The following TEX11 variants were observed in gnomAD, a reference collection of about 807,000 sequenced individuals.
TEX11 encodes the protein testis expressed 11.
TEX11 carries 7 observed loss-of-function variants against 84.4 expected under a neutral mutation model. The observed-to-expected ratio is 0.08, with a 90% CI of 0.05 to 0.16. The LOEUF (loss-of-function observed/expected upper bound fraction) is 0.16, where lower values mean the gene tolerates loss of function less well. Among genes scored for constraint, TEX11 ranks in the 10% least tolerant of loss-of-function variants. TEX11 has a pLI of 1.00. For synonymous variants in TEX11, 264 were observed against 222.8 expected (o/e 1.18, Z -1.64); for missense variants, 551 against 660.5 (o/e 0.83, Z 1.82).
intron 24 of TEX11, among the ~76,000 whole-genome samples, chrX:70,602,424 C>T (rs1488798302): frequency 3.8e-5 from 4 of 103,997 alleles, no homozygotes; most frequent in Non-Finnish European, 7.9e-5. Context: ...TGTAATCCAG[C>T]ATATAAACAG....
At chrX:70,537,071 G>A (rs190493513) in intron 28 of TEX11, among the ~76,000 whole-genome samples, 29 of 111,465 alleles carry the variant, frequency 2.6e-4, no homozygotes, top group South Asian at 3.8e-4. Flanking sequence ...GCAAGGTTGA[G>A]AAAATTTCTT....
At chrX:70,903,546 C>A (rs2091814278) in intron 2 of TEX11, among the ~76,000 whole-genome samples, 1 of 110,434 alleles carries the variant, frequency 9.1e-6, no homozygotes, top group Non-Finnish European at 1.9e-5. Context: ...TTATGCTGAT[C>A]ATATCAAACA....
chrX:70,843,619 A>G (rs1251777179), intron 7 of TEX11, among the ~76,000 whole-genome samples: 1 of 111,819 alleles, frequency 8.9e-6, no homozygotes, highest in African/African-American at 3.3e-5. Flanking sequence ...GGATCCAATT[A>G]AACTAAAGAG....
chrX:70,719,936 T>A (rs1448542637), intron 13 of TEX11, among the ~76,000 whole-genome samples: 1 of 111,440 alleles, frequency 9.0e-6, no homozygotes, highest in African/African-American at 3.3e-5. Context: ...TGTAAACTAG[T>A]TCAACCATTG....
chrX:70,741,027 T>TTTAATATAATTATG (rs1414685538), intron 10 of TEX11, among the ~76,000 whole-genome samples: 7 of 111,426 alleles, frequency 6.3e-5, no homozygotes, highest in Non-Finnish European at 1.1e-4. Context: ...CTTATTTACA[T>TTTAATATAATTATG]TTAATATAAT....
chrX:70,671,019 T>C (rs191811378), intron 15 of TEX11, among the ~76,000 whole-genome samples: 8 of 112,027 alleles, frequency 7.1e-5, no homozygotes, highest in Non-Finnish European at 1.1e-4. Flanking sequence ...CTATGTAGTC[T>C]TCACAGTAAT....
At chrX:70,525,814 A>T (rs1169511486), downstream of TEX11, among the ~76,000 whole-genome samples, 2 of 112,393 alleles carry the variant, frequency 1.8e-5, no homozygotes, top group Non-Finnish European at 3.8e-5. Context: ...TTTCCAGGGA[A>T]CTGACACATG....
At chrX:70,677,350 T>C (rs2090081227) in intron 15 of TEX11, among the ~76,000 whole-genome samples, 1 of 111,440 alleles carries the variant, frequency 9.0e-6, no homozygotes, top group Non-Finnish European at 1.9e-5. Flanking sequence ...AATTAGAGGT[T>C]TTCCAGACTG....
intron 10 of TEX11, among the ~76,000 whole-genome samples, chrX:70,742,440 A>T (rs1419353776): frequency 1.8e-5 from 2 of 109,777 alleles, no homozygotes; most frequent in Non-Finnish European, 3.8e-5. Flanking sequence ...CTTTTTTTAA[A>T]ATCTTAGGCC....
At chrX:70,685,351 GT>G (rs1373237237) in intron 13 of TEX11, among the ~76,000 whole-genome samples, 1 of 111,844 alleles carries the variant, frequency 8.9e-6, no homozygotes, top group African/African-American at 3.2e-5. Context: ...GGGTGTTGGA[GT>G]GAGACTCTGT....
intron 8 of TEX11, among the ~76,000 whole-genome samples, chrX:70,812,396 A>C (rs2091261607): frequency 9.1e-6 from 1 of 110,246 alleles, no homozygotes; most frequent in Non-Finnish European, 1.9e-5. Flanking sequence ...TTCAGTAGAC[A>C]CGGGGTTTCA....
At chrX:70,784,273 C>G (rs1315516992) in intron 9 of TEX11, among the ~76,000 whole-genome samples, 2 of 111,508 alleles carry the variant, frequency 1.8e-5, no homozygotes, top group African/African-American at 6.5e-5. Flanking sequence ...CAACAAAATT[C>G]AACAGCTCTT....
chrX:70,890,652 A>AG (rs897867163), intron 2 of TEX11, among the ~76,000 whole-genome samples: 2 of 112,130 alleles, frequency 1.8e-5, no homozygotes, highest in Admixed American at 9.4e-5. Flanking sequence ...TAGCAGGGGG[A>AG]GGGGGGTCTG....
In TEX11 at chrX:70,577,759, C is replaced by CTTTTTTTTTTTTG. The variant is rs1213364344; in HGVS notation, c.2140+13991_2140+13992insCAAAAAAAAAAAA. On this transcript the variant is annotated intron_variant, in intron 25 of 29. Transcript: ENST00000374333. ...TCTTTTTTTTTTTTTGAGACAGTCTCACTCTGTCACCAGGTTGGAGTGCAG... is the reference window on the plus strand; with the variant it reads ...TCTTTTTTTTTTTTTGAGACAGTCTCTTTTTTTTTTTTGACTCTGTCACCAGGTTGGAGTGCAG... Among the ~76,000 whole-genome samples, 4 of 96,633 alleles carry CTTTTTTTTTTTTG rather than the reference C, an allele frequency of 4.1e-5. 1 individual carries two copies. The highest frequency in any genetic ancestry group is 6.6e-5 in the Non-Finnish European group (3 of 45,171). The allele number at this position is 96,633 out of a possible 115,157, so 83.9% of individuals were successfully genotyped here.
At chrX:70,550,624 T>C (rs1483248049) in intron 28 of TEX11, among the ~76,000 whole-genome samples, 1 of 111,640 alleles carries the variant, frequency 9.0e-6, no homozygotes, top group African/African-American at 3.3e-5. Flanking sequence ...GACAAACAAA[T>C]GGCAAACAGG....
chrX:70,780,302 A>G, intron 9 of TEX11, among the ~76,000 whole-genome samples: 1 of 112,672 alleles, frequency 8.9e-6, no homozygotes, highest in East Asian at 2.8e-4. Context: ...CAAGACAAGA[A>G]AAACATTTAT....
At chrX:70,836,733 G>A (rs751475526) in intron 7 of TEX11, among the ~76,000 whole-genome samples, 4 of 112,074 alleles carry the variant, frequency 3.6e-5, no homozygotes, top group Non-Finnish European at 7.5e-5. Context: ...AATCTAAATG[G>A]TGGCCGGGTG....
intron 25 of TEX11, among the ~76,000 whole-genome samples, chrX:70,558,774 A>G (rs2088322930): frequency 8.9e-6 from 1 of 112,031 alleles, no homozygotes; most frequent in Non-Finnish European, 1.9e-5. Flanking sequence ...CTCTCCAAAG[A>G]AGATATACAA....
At chrX:70,626,074 T>A (rs751748812) in intron 18 of TEX11, among the ~76,000 whole-genome samples, 1 of 111,302 alleles carries the variant, frequency 9.0e-6, no homozygotes, top group African/African-American at 3.3e-5. Flanking sequence ...AATATATAGG[T>A]AGAGGATCCT....
Sources: gnomAD v4.1 joint callset for allele counts (sites outside exome capture counted in the v4.1 genomes callset) on GRCh38, gnomAD v4.1.1 for gene constraint, MANE v1.5 for transcripts, NCBI Gene and HGNC (gene_info 2026-07-23, HGNC 2026-07-21) for gene names.